Variants in ACSM4 observed in about 807,000 individuals in gnomAD.
ACSM4 encodes the protein acyl-CoA synthetase medium chain family member 4, also known as acyl-coenzyme A synthetase ACSM4, mitochondrial.
Under a neutral mutation model 73.0 loss-of-function variants are expected in ACSM4, and 66 were observed. That is an observed-to-expected ratio of 0.90 (90% CI 0.74 to 1.11). The LOEUF is 1.11. ACSM4 is among the 50% of genes least tolerant of loss of function. ACSM4 has a pLI of 0.00. For synonymous variants in ACSM4, 222 were observed against 254.0 expected (o/e 0.87, Z 1.20); for missense variants, 645 against 714.4 (o/e 0.90, Z 1.11).
Position 7,324,392 on chromosome 12 carries a change from A to G in ACSM4, c.1428A>G (p.Ile476Met), listed in dbSNP as rs1283223664. ...WFVGRADDVI[I>M]SSGYRIGPFE... is the part of the protein sequence containing the mutation. ...TCGGCAGAGCTGATGATGTCATTAT[A>G]TCCTCTGGGTTTGTATATTTGCCAC... The change falls in exon 10 of 13, where the codon ATA becomes ATG. Residue 476 changes from isoleucine to methionine, a missense_variant. Ile to Met is a conservative substitution (Grantham distance 10). Transcript: ENST00000399422. 2 of 1,614,134 alleles carry G rather than the reference A, an allele frequency of 1.2e-6. No homozygotes were observed. Among genetic ancestry groups the G allele is most frequent in the East Asian group, 2.2e-5 (1 of 44,864 alleles).
chr12:7,308,052 T>A (rs1946371007), intron 2 of ACSM4, among the ~76,000 whole-genome samples: 1 of 152,082 alleles, frequency 6.6e-6, no homozygotes, highest in African/African-American at 2.4e-5. Flanking sequence ...TTAGTTGAGG[T>A]GTGTGTGTAT....
chr12:7,318,429 T>A, intron 5 of ACSM4: 1 of 435,904 alleles, frequency 2.3e-6, no homozygotes, highest in East Asian at 3.8e-5. Flanking sequence ...TTGCTAGTGT[T>A]GCTAAATCTG....
At chr12:7,326,013 A>G (rs1224991842) in intron 11 of ACSM4, among the ~76,000 whole-genome samples, 1 of 152,192 alleles carries the variant, frequency 6.6e-6, no homozygotes. Context: ...AATATAAATG[A>G]TTTCAGCTGA....
intron 2 of ACSM4, 40 bp downstream of exon 2, chr12:7,306,783 G>A: frequency 6.5e-7 from 1 of 1,535,030 alleles, no homozygotes; most frequent in Non-Finnish European, 8.8e-7. Context: ...CACAAACACA[G>A]AGAGACTGAA....
Position 7,310,565 on chromosome 12 carries a change from C to T in ACSM4, c.439C>T (p.Gln147Ter), listed in dbSNP as rs1005362485. The T allele has an allele frequency of 4.3e-6, 7 of 1,609,346 alleles. No individual in the cohort carries two copies. Among genetic ancestry groups the T allele is most frequent in the Non-Finnish European group, 5.1e-6 (6 of 1,178,518 alleles). ...TGIIFMPGTI[Q>*]LTAKDILYRL... ...GATCATCTTCATGCCGGGAACAATC[C>T]AGCTGACAGCAAAAGACATCCTCTA... Residue 147 changes from glutamine to a stop codon, truncating the protein, a stop_gained, in exon 3 of 13, where the codon CAG becomes TAG. Coordinates refer to ENST00000399422, the MANE Select transcript of ACSM4 (RefSeq NM_001080454.2). LOFTEE classifies it high-confidence loss of function.
intron 2 of ACSM4, 104 bp downstream of exon 2, chr12:7,306,847 CAAAA>C (rs59277746): frequency 0.01 from 4,847 of 482,640 alleles, no homozygotes; most frequent in South Asian, 0.013. Flanking sequence ...ATACAGAAGA[CAAAA>C]AAAAAAAAAA....
chr12:7,320,285 G>T (rs1946450749), intron 5 of ACSM4, among the ~76,000 whole-genome samples: 1 of 152,134 alleles, frequency 6.6e-6, no homozygotes, highest in African/African-American at 2.4e-5. Flanking sequence ...TCAACTTACT[G>T]AAAAAGACTA....
intron 12 of ACSM4, 50 bp from the exon 13 acceptor site, chr12:7,328,237 A>G (rs1304217187): frequency 4.2e-6 from 6 of 1,418,708 alleles, no homozygotes; most frequent in Non-Finnish European, 5.8e-6. Flanking sequence ...CGCACGGACA[A>G]TTGGAAGGAT....
chr12:7,313,848 C>A (rs1946403620), intron 3 of ACSM4, among the ~76,000 whole-genome samples: 1 of 152,036 alleles, frequency 6.6e-6, no homozygotes, highest in South Asian at 2.1e-4. Flanking sequence ...AAACAGAGGC[C>A]AGGGTATGGG....
intron 3 of ACSM4, among the ~76,000 whole-genome samples, chr12:7,312,232 G>A (rs1308662986): frequency 6.6e-6 from 1 of 152,102 alleles, no homozygotes; most frequent in Non-Finnish European, 1.5e-5. Context: ...ACACATAAAT[G>A]GTGCTTAATA....
At chr12:7,307,742 A>G (rs1946369717) in intron 2 of ACSM4, among the ~76,000 whole-genome samples, 1 of 152,200 alleles carries the variant, frequency 6.6e-6, no homozygotes, top group Non-Finnish European at 1.5e-5. Context: ...AGCCATGCTC[A>G]TTTATTTATA....
At chr12:7,325,640 C>T (rs1946498244) in intron 11 of ACSM4, among the ~76,000 whole-genome samples, 1 of 152,168 alleles carries the variant, frequency 6.6e-6, no homozygotes, top group African/African-American at 2.4e-5. Flanking sequence ...GAGACAGACT[C>T]TGTCTCAAAG....
In ACSM4 at chr12:7,324,518, G is replaced by A. The variant is rs771110043; in HGVS notation, c.1456G>A (p.Glu486Lys). Residue 486 changes from glutamate (E) to lysine (K), a missense_variant, in exon 11 of 13, where the codon GAA becomes AAA. Physicochemically the swap from Glu to Lys is moderately conservative, Grantham distance 56. Coordinates refer to ENST00000399422, the MANE Select transcript of ACSM4 (RefSeq NM_001080454.2). ...CTTCAGGTACCGTATTGGGCCATTT[G>A]AAGTGGAGAGTGCACTCATTGAGCA... Reference protein sequence around the residue: ...ISSGYRIGPFEVESALIEHPA... With the variant: ...ISSGYRIGPFKVESALIEHPA... The A allele has an allele frequency of 6.2e-6, 10 of 1,613,880 alleles. No individual in the cohort carries two copies. The Admixed American group carries it at 1.0e-4, about 16-fold the overall frequency.
chr12:7,322,913 G>C (rs1411554292), intron 7 of ACSM4, among the ~76,000 whole-genome samples: 1 of 152,028 alleles, frequency 6.6e-6, no homozygotes, highest in Admixed American at 6.6e-5. Context: ...TTCAAAGTGT[G>C]GCCCTCAAAC....
chr12:7,327,960 T>C (rs1336470394), intron 12 of ACSM4, among the ~76,000 whole-genome samples: 1 of 152,164 alleles, frequency 6.6e-6, no homozygotes, highest in Non-Finnish European at 1.5e-5. Context: ...CTGTTCTTTT[T>C]GTATTTAGCT....
At chr12:7,317,042 G>A in intron 3 of ACSM4, 95 bp from the exon 4 acceptor site, 1 of 1,408,574 alleles carries the variant, frequency 7.1e-7, no homozygotes, top group Non-Finnish European at 9.5e-7. Context: ...ACTATCTTCT[G>A]GTAGCAAGAG....
In ACSM4 at chr12:7,317,136, G is replaced by A. The variant is rs776968549; in HGVS notation, c.621-1G>A. Reference sequence around the variant, plus strand: ...GCCATCTTGGGGTCCATATTTTGCAGATTCGCCTCTGAAGAGCACAGCTGT... The same window carrying A: ...GCCATCTTGGGGTCCATATTTTGCAAATTCGCCTCTGAAGAGCACAGCTGT... On this transcript the variant is annotated splice_acceptor_variant, in intron 3 of 12. Coordinates refer to ENST00000399422, the MANE Select transcript of ACSM4 (RefSeq NM_001080454.2). LOFTEE classifies it high-confidence loss of function. 1 of 1,608,252 alleles carries A rather than the reference G, an allele frequency of 6.2e-7. No individual in the cohort carries two copies. Among genetic ancestry groups the A allele is most frequent in the Non-Finnish European group, 8.5e-7 (1 of 1,177,756 alleles).
chr12:7,307,028 G>A (rs1383677261), intron 2 of ACSM4, among the ~76,000 whole-genome samples: 7 of 152,178 alleles, frequency 4.6e-5, no homozygotes, highest in Middle Eastern at 3.2e-3. Flanking sequence ...AACGAAGCAG[G>A]TGGATCACGA....
chr12:7,319,452 A>G (rs765009284), intron 5 of ACSM4, among the ~76,000 whole-genome samples: 1 of 152,058 alleles, frequency 6.6e-6, no homozygotes, highest in East Asian at 1.9e-4. Flanking sequence ...TTAGCCAGGC[A>G]TGGTGGTGGG....
Sources: allele counts gnomAD v4.1 joint callset (sites outside exome capture counted in the v4.1 genomes callset), GRCh38; gene constraint gnomAD v4.1.1; transcripts MANE v1.5; gene names NCBI Gene and HGNC (gene_info 2026-07-23, HGNC 2026-07-21).